Variants in ABCA4 observed in about 807,000 individuals in gnomAD.
ABCA4 encodes ATP binding cassette subfamily A member 4.
A neutral mutation model predicts 263.7 loss-of-function variants in ABCA4; 196 were observed. That is an observed-to-expected ratio of 0.74 (90% CI 0.66 to 0.84). The LOEUF (loss-of-function observed/expected upper bound fraction) is 0.84. Ranked by LOEUF, ABCA4 falls within the 40% of genes least tolerant of loss-of-function variation. The pLI, the probability that ABCA4 is intolerant of heterozygous loss-of-function variation, is 0.00. For synonymous variants in ABCA4, 1,133 were observed against 1,094.2 expected (o/e 1.04, Z -0.70); for missense variants, 2,792 against 2,855.1 (o/e 0.98, Z 0.50).
rs779426136 is a variant in ABCA4, at chr1:94,041,346, G to C, written c.3385C>G (p.Arg1129Gly). ...CTTCCCTGGGCAATGATGGCAATGC[G>C]GTCCCCAAGGAGGTCGGCCTCGTCC... ...HMDEADLLGDRIAIIAQGRLY... is the reference protein window; with the variant it reads ...HMDEADLLGDGIAIIAQGRLY... The change falls in exon 23 of 50, where the codon CGC (arginine) becomes GGC (glycine). Residue 1129 changes from arginine (R) to glycine (G), a missense_variant. Physicochemically the swap from Arg to Gly is moderately radical, Grantham distance 125. Coordinates refer to ENST00000370225, the MANE Select transcript of ABCA4 (RefSeq NM_000350.3). 1 of 1,614,104 alleles carries C rather than the reference G, an allele frequency of 6.2e-7. No individual in the cohort carries two copies. The highest frequency in any genetic ancestry group is 8.5e-7 in the Non-Finnish European group (1 of 1,180,030).
chr1:94,062,186 T>C (rs1330460932), intron 13 of ABCA4, among the ~76,000 whole-genome samples: 1 of 152,184 alleles, frequency 6.6e-6, no homozygotes, highest in African/African-American at 2.4e-5. Flanking sequence ...CCAGACCTAC[T>C]GGCCATACAG....
chr1:94,079,685 G>A (rs747636434), intron 8 of ABCA4, among the ~76,000 whole-genome samples: 4 of 152,178 alleles, frequency 2.6e-5, no homozygotes, highest in Non-Finnish European at 5.9e-5. Flanking sequence ...CAAAGGATGC[G>A]ACTTGCCCTG....
chr1:94,115,035 C>T (rs990246358), intron 1 of ABCA4, among the ~76,000 whole-genome samples: 8 of 152,186 alleles, frequency 5.3e-5, no homozygotes, highest in Admixed American at 5.2e-4. Flanking sequence ...ACATGGGGCT[C>T]AGGTCACCAA....
chr1:94,032,045 T>C lies in ABCA4; in HGVS notation c.3863-2A>G, dbSNP rs769687104. ...TTTCTCTTTTCTGCTGAGCGCCACC[T>C]GTTTTGAGAGATTGAATTAATAATT... On this transcript the variant is annotated splice_acceptor_variant, in intron 26 of 49. Transcript: ENST00000370225. LOFTEE classifies it high-confidence loss of function. 1 of 1,609,642 alleles carries C rather than the reference T, an allele frequency of 6.2e-7. No individual in the cohort carries two copies. Among genetic ancestry groups the C allele is most frequent in the South Asian group, 1.1e-5 (1 of 91,078 alleles).
intron 17 of ABCA4, among the ~76,000 whole-genome samples, chr1:94,049,914 G>A (rs978894380): frequency 6.6e-6 from 1 of 152,184 alleles, no homozygotes; most frequent in Admixed American, 6.5e-5. Flanking sequence ...CCTGGAAGGG[G>A]AAGAGGAGCA....
At chr1:94,046,473 A>AAAAAAAAAG (rs71094277) in intron 19 of ABCA4, among the ~76,000 whole-genome samples, 1,216 of 120,382 alleles carry the variant, frequency 0.01, 43 homozygotes, top group Non-Finnish European at 0.015. Flanking sequence ...AAAAAAAAAA[A>AAAAAAAAAG]AAAGAAAAGA....
At chr1:94,060,181 G>C (rs1441316329) in intron 14 of ABCA4, among the ~76,000 whole-genome samples, 1 of 152,186 alleles carries the variant, frequency 6.6e-6, no homozygotes, top group African/African-American at 2.4e-5. Flanking sequence ...AACACTCCCT[G>C]AACTGATTTT....
chr1:94,090,438 A>C (rs1354645244), intron 6 of ABCA4, among the ~76,000 whole-genome samples: 1 of 151,360 alleles, frequency 6.6e-6, no homozygotes, highest in African/African-American at 2.4e-5. Context: ...TAGTCCTATC[A>C]CTTTGAGGAC....
chr1:94,016,764 G>A (rs374720295), intron 36 of ABCA4, among the ~76,000 whole-genome samples: 2 of 152,292 alleles, frequency 1.3e-5, no homozygotes, highest in South Asian at 4.1e-4. Context: ...ATCTTCCCTA[G>A]TTCTATCACT....
At chr1:94,110,156 A>G (rs575944912) in intron 3 of ABCA4, among the ~76,000 whole-genome samples, 1 of 152,368 alleles carries the variant, frequency 6.6e-6, no homozygotes, top group South Asian at 2.1e-4. Flanking sequence ...GCTTGCAGCA[A>G]TATGAGTCCT....
intron 47 of ABCA4, among the ~76,000 whole-genome samples, chr1:93,998,812 CA>C (rs1416078132): frequency 6.6e-6 from 1 of 150,620 alleles, no homozygotes; most frequent in Non-Finnish European, 1.5e-5. Context: ...GATCTTGGCT[CA>C]CTGCAACCTC....
chr1:94,046,478 A>AAAAG (rs1660686439), intron 19 of ABCA4, among the ~76,000 whole-genome samples: 2 of 131,352 alleles, frequency 1.5e-5, no homozygotes, highest in Admixed American at 7.5e-5. Context: ...AAAAAAAAAG[A>AAAAG]AAAGAAAAGA....
Position 94,047,895 on chromosome 1 carries a change from A to T in ABCA4, c.2744-802T>A, listed in dbSNP as rs532158020. ...CCTGCTTCATTTCACCCTATATGGC[A>T]CAGCTTAATTTGTCATCTTAATACT... On this transcript the variant is annotated intron_variant, in intron 18 of 49. Transcript: ENST00000370225. Among the ~76,000 whole-genome samples, 16 of 152,242 alleles carry T rather than the reference A, an allele frequency of 1.1e-4. No individual in the cohort carries two copies. In the East Asian group the frequency reaches 3.1e-3, roughly 29 times the overall value.
intron 48 of ABCA4, 114 bp from the exon 49 acceptor site, chr1:93,996,309 A>T: frequency 1.2e-6 from 1 of 843,930 alleles, no homozygotes; most frequent in South Asian, 1.4e-5. Flanking sequence ...CCCTGCTGGT[A>T]TGGCTTGTGT....
In ABCA4 at chr1:94,102,361, G is replaced by A. The variant is rs573625109; in HGVS notation, c.570+654C>T. Among the ~76,000 whole-genome samples the A allele has an allele frequency of 4.3e-3, 660 of 151,942 alleles. 7 individuals carry two copies. Among genetic ancestry groups the A allele is most frequent in the African/African-American group, 0.015 (622 of 41,440 alleles). ...ATCTCAGGTTCTGTAGCCTCGGGAC[G>A]CCACCCCAGCACTTGCCAGCACTGT... On this transcript the variant is annotated intron_variant, in intron 5 of 49. Coordinates refer to ENST00000370225, the MANE Select transcript of ABCA4 (RefSeq NM_000350.3).
rs775491217 is a variant in ABCA4, at chr1:93,998,004, T to A, written c.6586A>T (p.Ser2196Cys). 2 of 1,614,210 alleles carry A rather than the reference T, an allele frequency of 1.2e-6. No homozygotes were observed. The highest frequency in any genetic ancestry group is 2.2e-5 in the East Asian group (1 of 44,880). The change falls in exon 48 of 50, where the codon AGT becomes TGT. Residue 2196 changes from serine (S) to cysteine (C), a missense_variant. Ser to Cys is a moderately radical substitution (Grantham distance 112, BLOSUM62 -1). Coordinates refer to ENST00000370225, the MANE Select transcript of ABCA4 (RefSeq NM_000350.3). ...EQFFQGNFPG[S>C]VQRERHYNML... ...TTGTAGTGCCTCTCCCTCTGCACAC[T>A]GCCTGGGAAGTTCCCCTGGAAGAAC...
At chr1:94,036,379 AC>A (rs1660335385) in intron 26 of ABCA4, among the ~76,000 whole-genome samples, 1 of 144,586 alleles carries the variant, frequency 6.9e-6, no homozygotes, top group African/African-American at 2.6e-5. Flanking sequence ...TTTTCCTTAG[AC>A]TTTTTTTTTT....
In ABCA4 at chr1:94,031,982, C is replaced by A; in HGVS notation, c.3924G>T (p.Glu1308Asp). ...NPRHPCLGPR[E>D]KAGQTPQDSN... ...AGTCCTGGGGTGTCTGTCCAGCCTT[C>A]TCTCTGGGACCCAAGCAGGGGTGTC... The change falls in exon 27 of 50, where the codon GAG becomes GAT. Residue 1308 changes from glutamate to aspartate, a missense_variant. Physicochemically the swap from Glu to Asp is conservative, Grantham distance 45 (BLOSUM62 2). Transcript: ENST00000370225. The A allele has an allele frequency of 1.2e-6, 2 of 1,613,998 alleles. No individual in the cohort carries two copies. The highest frequency in any genetic ancestry group is 1.7e-6 in the Non-Finnish European group (2 of 1,180,030).
Position 94,103,072 on chromosome 1 carries a change from G to C in ABCA4, c.513C>G (p.Ile171Met). 6.2e-7 allele frequency: 1 copy of C among 1,614,184 alleles called. No homozygotes were observed. Among genetic ancestry groups the C allele is most frequent in the Non-Finnish European group, 8.5e-7 (1 of 1,180,018 alleles). ...ETLTLFLIKN[I>M]GLSDSVVYLL... ...GGTAGACCACTGAGTCAGACAGGCC[G>C]ATGTTTTTAATGAGAAATAGTGTCA... The change falls in exon 5 of 50, where the codon ATC becomes ATG. Residue 171 changes from isoleucine to methionine, a missense_variant. Ile to Met is a conservative substitution (Grantham distance 10, BLOSUM62 1). Transcript: ENST00000370225.
Sources: allele counts gnomAD v4.1 joint callset (sites outside exome capture counted in the v4.1 genomes callset), GRCh38; gene constraint gnomAD v4.1.1; transcripts MANE v1.5; gene names NCBI Gene and HGNC (gene_info 2026-07-23, HGNC 2026-07-21).